The following CA6 variants were observed in gnomAD, a reference collection of about 807,000 sequenced individuals.
The protein encoded by CA6 is carbonate dehydratase VI.
CA6 carries 28 observed loss-of-function variants against 35.9 expected under a neutral mutation model. That is an observed-to-expected ratio of 0.78 (90% CI 0.58 to 1.07). CA6 has a LOEUF of 1.07. Among genes scored for constraint, CA6 ranks in the 50% least tolerant of loss-of-function variants. The pLI is 0.00. For synonymous variants in CA6, 148 were observed against 152.6 expected, an observed-to-expected ratio of 0.97 and a Z score of 0.22; for missense variants, 377 against 382.0, an observed-to-expected ratio of 0.99 and a Z score of 0.11.
chr1:8,945,942 A>C lies in CA6; in HGVS notation c.56A>C (p.His19Pro). The C allele has an allele frequency of 1.2e-6, 2 of 1,613,554 alleles. No homozygotes were observed. The highest frequency in any genetic ancestry group is 1.7e-6 in the Non-Finnish European group (2 of 1,179,684). Residue 19 changes from histidine to proline, a missense_variant, in exon 1 of 8, where the codon CAT (histidine) becomes CCT (proline). By Grantham distance (77) the His-to-Pro change is moderately conservative. Coordinates refer to ENST00000377443, the MANE Select transcript of CA6 (RefSeq NM_001215.4). ...TTCCTGCTGGGTGGCCAGGCCCAGC[A>C]TGTGTCTGACTGGACCTACTCAGGT... ...SLFLLGGQAQ[H>P]VSDWTYSEGA... is the part of the protein sequence containing the mutation.
Position 8,957,255 on chromosome 1 carries a change from C to T in CA6, c.378C>T (p.His126=), listed in dbSNP as rs1271438910. ...GASSEISGSE[H]TVDGIRHVIE... ...CCTCGGAGATCAGCGGCTCTGAGCA[C>T]ACCGTGGACGGGATCAGACATGTGA... Residue 126 remains histidine (H), a synonymous_variant, in exon 3 of 8, where the codon CAC becomes CAT. Transcript: ENST00000377443. 3 of 1,613,968 alleles carry T rather than the reference C, an allele frequency of 1.9e-6. No individual in the cohort carries two copies. The highest frequency in any genetic ancestry group is 3.3e-5 in the Admixed American group (2 of 60,010).
intron 7 of CA6, among the ~76,000 whole-genome samples, chr1:8,971,333 A>G (rs1054125873): frequency 2.4e-4 from 34 of 142,752 alleles, no homozygotes; most frequent in Non-Finnish European, 4.5e-4. Flanking sequence ...TTTTTTTGAG[A>G]CAGAGTCTCA....
intron 4 of CA6, among the ~76,000 whole-genome samples, chr1:8,960,781 C>T (rs1323246791): frequency 2.6e-4 from 28 of 107,596 alleles, no homozygotes; most frequent in Non-Finnish European, 4.4e-4. Flanking sequence ...CACACACACA[C>T]ACACACACAT....
chr1:8,960,099 C>A (rs745891262), intron 4 of CA6, among the ~76,000 whole-genome samples: 2 of 151,926 alleles, frequency 1.3e-5, no homozygotes, highest in East Asian at 3.9e-4. Context: ...GGCGTGGTGA[C>A]GCACGCCTGT....
chr1:8,972,664 C>G (rs1469548140), intron 7 of CA6, among the ~76,000 whole-genome samples: 2 of 152,028 alleles, frequency 1.3e-5, no homozygotes, highest in East Asian at 3.9e-4. Flanking sequence ...GCCTGGGCGA[C>G]AGAGAGAGAC....
intron 7 of CA6, chr1:8,974,340 C>T (rs1417834873): frequency 6.8e-7 from 1 of 1,473,782 alleles, no homozygotes; most frequent in Non-Finnish European, 8.9e-7. Flanking sequence ...CGCCTATATC[C>T]CCTCAGGCAA....
rs556879922 is a variant in CA6, at chr1:8,972,806, T to C, written c.845-1816T>C. Among the ~76,000 whole-genome samples, 4 of 152,280 alleles carry C rather than the reference T, an allele frequency of 2.6e-5. No homozygotes were observed. In the East Asian group the frequency reaches 5.8e-4, roughly 22 times the overall value. ...GTTCACTTACTGAATTAACAGAGGATATAGGTGTTTTCTATATTGTTTCCT... is the reference window on the plus strand; with the variant it reads ...GTTCACTTACTGAATTAACAGAGGACATAGGTGTTTTCTATATTGTTTCCT... On this transcript the variant is annotated intron_variant, in intron 7 of 7. Coordinates refer to ENST00000377443, the MANE Select transcript of CA6 (RefSeq NM_001215.4).
intron 7 of CA6, among the ~76,000 whole-genome samples, chr1:8,971,769 C>T (rs976125460): frequency 1.1e-4 from 17 of 152,244 alleles, no homozygotes; most frequent in Non-Finnish European, 2.1e-4. Context: ...AGGCCCCAGA[C>T]CCCAGCGTGC....
intron 7 of CA6, among the ~76,000 whole-genome samples, chr1:8,973,105 C>T (rs373003821): frequency 4.3e-4 from 65 of 152,204 alleles, no homozygotes; most frequent in African/African-American, 1.5e-3. Context: ...CTGCAACCTC[C>T]GCCTCCCAGA....
intron 1 of CA6, 31 bp downstream of exon 1, chr1:8,945,996 G>C (rs767061838): frequency 9.2e-6 from 13 of 1,416,610 alleles, no homozygotes; most frequent in Non-Finnish European, 1.2e-5. Context: ...TGCTCCCCCA[G>C]TTACCCTCAC....
At chr1:8,951,762 C>T (rs562500782) in intron 2 of CA6, 41 of 707,970 alleles carry the variant, frequency 5.8e-5, no homozygotes, top group South Asian at 4.0e-4. Flanking sequence ...TCACCTCACA[C>T]GACAGCATGT....
chr1:8,973,714 T>TTCTC lies in CA6; in HGVS notation c.845-905_845-904insCTCT, dbSNP rs1557635412. On this transcript the variant is annotated intron_variant, in intron 7 of 7. Coordinates refer to ENST00000377443, the MANE Select transcript of CA6 (RefSeq NM_001215.4). ...GGCCTGGATTTTTCTTTCTCTCTCT[T>TTCTC]TCTTTCTTTCTTTCTTTCTTTCTTT... Among the ~76,000 whole-genome samples, 17 of 8,720 alleles carry TTCTC rather than the reference T, an allele frequency of 1.9e-3. No individual in the cohort carries two copies. In the South Asian group the frequency reaches 0.074, roughly 38 times the overall value. 5.7% of individuals were successfully genotyped at this position (8,720 alleles called of 152,430 possible).
intron 4 of CA6, among the ~76,000 whole-genome samples, chr1:8,961,379 T>A (rs541810128): frequency 1.3e-5 from 2 of 152,326 alleles, no homozygotes; most frequent in East Asian, 3.8e-4. Context: ...TACCACTGAC[T>A]TATAATATAT....
At chr1:8,967,429 C>T (rs892152753) in intron 5 of CA6, among the ~76,000 whole-genome samples, 14 of 152,230 alleles carry the variant, frequency 9.2e-5, no homozygotes, top group Admixed American at 4.6e-4. Context: ...GGTGAGCACC[C>T]GGCCAAGAGC....
At chr1:8,973,740 C>T (rs1640175974) in intron 7 of CA6, among the ~76,000 whole-genome samples, 1 of 19,384 alleles carries the variant, frequency 5.2e-5, no homozygotes, top group African/African-American at 4.3e-4. Flanking sequence ...TTCTTTCTTT[C>T]TTTCTTTCTT....
At chr1:8,960,804 A>G in intron 4 of CA6, among the ~76,000 whole-genome samples, 1 of 150,734 alleles carries the variant, frequency 6.6e-6, no homozygotes, top group Non-Finnish European at 1.5e-5. Context: ...ATATAATGGG[A>G]GTCCCAGAAG....
rs775167612 is a variant in CA6 at position 8,959,021 on chromosome 1, T to G, written c.501+19T>G. ...CGTTGAGGTAAGCAGAAACTACCCATGTGTGTCTGTATTTGAAGTTATAGG... is the reference window on the plus strand; with the variant it reads ...CGTTGAGGTAAGCAGAAACTACCCAGGTGTGTCTGTATTTGAAGTTATAGG... On this transcript the variant is annotated intron_variant, in intron 4 of 7. Coordinates refer to ENST00000377443, the MANE Select transcript of CA6 (RefSeq NM_001215.4). 3.0e-5 allele frequency: 44 copies of G among 1,462,300 alleles called. No homozygotes were observed. The Admixed American group carries it at 3.0e-4, about 10-fold the overall frequency. The allele number at this position is 1,462,300 out of a possible 1,614,324, so 90.6% of individuals were successfully genotyped here.
intron 6 of CA6, among the ~76,000 whole-genome samples, chr1:8,969,017 C>CA (rs200268685): frequency 0.046 from 6,342 of 137,830 alleles, 143 homozygotes; most frequent in East Asian, 0.099. Context: ...AACCCTGTCT[C>CA]AAAAAAAAAA....
Position 8,963,167 on chromosome 1 carries a change from T to C in CA6, c.571+511T>C, listed in dbSNP as rs533706742. Reference sequence around the variant, plus strand: ...TTTTGAGCTATAACCACAATAGCTCTGCATCCTCGACTTCACACGTCCCAT... The same window carrying C: ...TTTTGAGCTATAACCACAATAGCTCCGCATCCTCGACTTCACACGTCCCAT... On this transcript the variant is annotated intron_variant, in intron 5 of 7. Transcript: ENST00000377443. This position sits in a 1 kb window ranked among gnomAD's most constrained non-coding sequence, Gnocchi z 4.1. 6.6e-6 allele frequency among the ~76,000 whole-genome samples: 1 copy of C among 152,288 alleles called. No homozygotes were observed. Among genetic ancestry groups the C allele is most frequent in the South Asian group, 2.1e-4 (1 of 4,828 alleles).
Sources: gnomAD v4.1 joint callset for allele counts (sites outside exome capture counted in the v4.1 genomes callset) on GRCh38, gnomAD v4.1.1 for gene constraint, Gnocchi (gnomAD v3.1) non-coding constraint, MANE v1.5 for transcripts, NCBI Gene and HGNC (gene_info 2026-07-23, HGNC 2026-07-21) for gene names.